The following SNX32 variants were observed in gnomAD, a reference collection of about 807,000 sequenced individuals.
SNX32 encodes sorting nexin 32, also known as sorting nexin-32.
SNX32 carries 58 observed loss-of-function variants against 57.0 expected under a neutral mutation model. The ratio of observed to expected loss-of-function variants is 1.02; its 90% CI spans 0.82 to 1.27. The LOEUF is 1.27. Among genes scored for constraint, SNX32 ranks in the 50% most tolerant of loss-of-function variants. The pLI is 0.00. For synonymous variants in SNX32, 262 were observed against 220.4 expected, an observed-to-expected ratio of 1.19 and a Z score of -1.67; for missense variants, 589 against 541.2, an observed-to-expected ratio of 1.09 and a Z score of -0.88.
At chr11:65,849,074 G>T (rs1468267157) in intron 1 of SNX32, among the ~76,000 whole-genome samples, 1 of 152,162 alleles carries the variant, frequency 6.6e-6, no homozygotes, top group Non-Finnish European at 1.5e-5. Flanking sequence ...AACCCGGGAG[G>T]TGGAGGTTGC....
chr11:65,849,861 A>G (rs1212107735), intron 2 of SNX32, 59 bp from the exon 3 acceptor site: 4 of 1,404,384 alleles, frequency 2.8e-6, no homozygotes, highest in Non-Finnish European at 2.9e-6. Context: ...GCATGCCCAG[A>G]CTTGCTGAGG....
In SNX32 at chr11:65,853,334, A is replaced by AT; in HGVS notation, c.1211_1212insT (p.Ter404TyrfsTer3). The AT allele has an allele frequency of 6.2e-7, 1 of 1,613,966 alleles. No homozygotes were observed. The highest frequency in any genetic ancestry group is 1.1e-5 in the South Asian group (1 of 91,086). ...CTTGTTGCCCTAAAGGGGGAGCCTT[A>AT]GAGTAGCCAGAGCTCAGCCAGACCC... On this transcript the variant is annotated frameshift_variant and stop_lost, in exon 13 of 13. Transcript: ENST00000308342. LOFTEE classifies it high-confidence loss of function.
Position 65,850,801 on chromosome 11 carries a change from G to A in SNX32, c.549G>A (p.Arg183=). ...NRKELLGGFL[R]NIVKSADEAL... ...AGGAGCTCCTCGGAGGGTTTCTGAG[G>A]AATATTGTGAAGTCCGCGGATGAAG... Residue 183 remains arginine (R), a synonymous_variant, in exon 6 of 13, where the codon AGG becomes AGA. Coordinates refer to ENST00000308342, the MANE Select transcript of SNX32 (RefSeq NM_152760.3). The A allele has an allele frequency of 1.2e-6, 2 of 1,614,118 alleles. No individual in the cohort carries two copies. The highest frequency in any genetic ancestry group is 1.6e-4 in the Middle Eastern group (1 of 6,062).
At position 65,852,671 on chromosome 11, in the gene SNX32, G is replaced by C; in HGVS notation, c.954G>C (p.Glu318Asp). The C allele has an allele frequency of 6.3e-7, 1 of 1,599,128 alleles. No homozygotes were observed. The highest frequency in any genetic ancestry group is 1.1e-5 in the South Asian group (1 of 90,102). Reference sequence around the variant, plus strand: ...GGCTGCGGGCACTGGCCGACTACGAGAATGCCAACAAGGCGCTGGACAAGG... The same window carrying C: ...GGCTGCGGGCACTGGCCGACTACGACAATGCCAACAAGGCGCTGGACAAGG... ...YRRLRALADYENANKALDKAR... is the reference protein window; with the variant it reads ...YRRLRALADYDNANKALDKAR... Residue 318 changes from glutamate (E) to aspartate (D), a missense_variant, in exon 11 of 13, where the codon GAG (glutamate) becomes GAC (aspartate). Transcript: ENST00000308342.
At chr11:65,837,812 T>C in intron 1 of SNX32, among the ~76,000 whole-genome samples, 1 of 61,106 alleles carries the variant, frequency 1.6e-5, no homozygotes, top group African/African-American at 5.5e-5. Context: ...AGGGCAAGAC[T>C]CTCTCAAAAA....
At chr11:65,843,506 G>C (rs1858906718) in intron 1 of SNX32, among the ~76,000 whole-genome samples, 1 of 152,056 alleles carries the variant, frequency 6.6e-6, no homozygotes, top group African/African-American at 2.4e-5. Flanking sequence ...GGCGGAGGTT[G>C]CAATGAGCCA....
At chr11:65,843,249 A>T (rs147148961) in intron 1 of SNX32, among the ~76,000 whole-genome samples, 2 of 149,936 alleles carry the variant, frequency 1.3e-5, no homozygotes, top group East Asian at 4.0e-4. Context: ...AAAAGAAATT[A>T]AAATTAAAAT....
chr11:65,842,044 A>T (rs1413816822), intron 1 of SNX32, among the ~76,000 whole-genome samples: 1 of 152,200 alleles, frequency 6.6e-6, no homozygotes, highest in Non-Finnish European at 1.5e-5. Context: ...GTAGAAATGT[A>T]AAGGACCTAT....
chr11:65,853,187 G>C, intron 12 of SNX32, 95 bp from the exon 13 acceptor site: 1 of 1,543,512 alleles, frequency 6.5e-7, no homozygotes, highest in Non-Finnish European at 8.9e-7. Flanking sequence ...GCAGAGAGCA[G>C]GGGTGTGGGG....
intron 1 of SNX32, among the ~76,000 whole-genome samples, chr11:65,846,100 C>T (rs1039515326): frequency 6.6e-6 from 1 of 152,002 alleles, no homozygotes. Context: ...GGTGAAACCC[C>T]GTCTCTGCTA....
In SNX32 at chr11:65,850,771, C is replaced by G; in HGVS notation, c.519C>G (p.Asn173Lys). 1 of 1,614,110 alleles carries G rather than the reference C, an allele frequency of 6.2e-7. No individual in the cohort carries two copies. The highest frequency in any genetic ancestry group is 8.5e-7 in the Non-Finnish European group (1 of 1,179,992). ...YGQDLSVRGKNRKELLGGFLR... is the reference protein window; with the variant it reads ...YGQDLSVRGKKRKELLGGFLR... ...CTCAGCTGAGTGTCCGGGGGAAGAACAGGAAGGAGCTCCTCGGAGGGTTTC... is the reference window on the plus strand; with the variant it reads ...CTCAGCTGAGTGTCCGGGGGAAGAAGAGGAAGGAGCTCCTCGGAGGGTTTC... Residue 173 changes from asparagine to lysine, a missense_variant, in exon 6 of 13, where the codon AAC becomes AAG. By Grantham distance (94) the Asn-to-Lys change is moderately conservative. Coordinates refer to ENST00000308342, the MANE Select transcript of SNX32 (RefSeq NM_152760.3).
intron 9 of SNX32, among the ~76,000 whole-genome samples, chr11:65,851,997 G>T (rs1204838802): frequency 6.6e-6 from 1 of 152,006 alleles, no homozygotes; most frequent in Admixed American, 6.5e-5. Context: ...GGGCACACAT[G>T]TTCCCCACTC....
intron 1 of SNX32, among the ~76,000 whole-genome samples, chr11:65,847,370 G>T (rs1859031164): frequency 6.6e-6 from 1 of 152,122 alleles, no homozygotes; most frequent in Admixed American, 6.6e-5. Flanking sequence ...CTACTTGGAA[G>T]GCTGAGTCAG....
chr11:65,849,826 T>C, intron 2 of SNX32, 94 bp from the exon 3 acceptor site: 1 of 978,948 alleles, frequency 1.0e-6, no homozygotes. Context: ...CTCCCTGGGA[T>C]GTGGGATGAG....
At chr11:65,838,148 C>T (rs1384716886) in intron 1 of SNX32, among the ~76,000 whole-genome samples, 1 of 147,438 alleles carries the variant, frequency 6.8e-6, no homozygotes, top group Non-Finnish European at 1.5e-5. Context: ...GGGAGTGAAA[C>T]TCTGTCAAAA....
intron 3 of SNX32, 39 bp downstream of exon 3, chr11:65,850,069 G>C (rs1359982040): frequency 6.2e-6 from 10 of 1,614,044 alleles, no homozygotes; most frequent in Non-Finnish European, 7.6e-6. Context: ...GGGACAGGCA[G>C]AGCACTTGGG....
chr11:65,853,506 G>A lies in SNX32; in HGVS notation c.*171G>A. On this transcript the variant is annotated 3_prime_UTR_variant, in exon 13 of 13. Transcript: ENST00000308342. ...AAACCCCCTATCACCACCACCACAG[G>A]TGCCAGGCCCTGCAAGACACAGGGC... 3.0e-6 allele frequency: 2 copies of A among 661,462 alleles called. No individual in the cohort carries two copies. Among genetic ancestry groups the A allele is most frequent in the South Asian group, 1.8e-5 (1 of 56,740 alleles). 41.0% of individuals were successfully genotyped at this position (661,462 alleles called of 1,614,324 possible).
chr11:65,843,443 C>T (rs2134692843), intron 1 of SNX32, among the ~76,000 whole-genome samples: 1 of 151,650 alleles, frequency 6.6e-6, no homozygotes, highest in South Asian at 2.1e-4. Flanking sequence ...GTGGCGGGCA[C>T]CTGTAATTGC....
intron 1 of SNX32, 69 bp downstream of exon 1, chr11:65,834,170 TGCG>T (rs1247460400): frequency 6.6e-6 from 8 of 1,220,308 alleles, no homozygotes; most frequent in Non-Finnish European, 5.8e-6. Flanking sequence ...TGCCCAATCA[TGCG>T]GTGGTGTGTG....
Sources: gnomAD v4.1 joint callset for allele counts (sites outside exome capture counted in the v4.1 genomes callset) on GRCh38, gnomAD v4.1.1 for gene constraint, MANE v1.5 for transcripts, NCBI Gene and HGNC (gene_info 2026-07-23, HGNC 2026-07-21) for gene names.